TRDN: variants seen among roughly 807,000 people sequenced by gnomAD.
TRDN encodes triadin.
A neutral mutation model predicts 149.7 loss-of-function variants in TRDN; 161 were observed. That is an observed-to-expected ratio of 1.08 (90% CI 0.95 to 1.23). The LOEUF is 1.23. Ranked by LOEUF, TRDN falls within the 50% of genes most tolerant of loss-of-function variation. TRDN has a pLI of 0.00. For missense variants in TRDN, 896 were observed against 823.5 expected, an observed-to-expected ratio of 1.09 and a Z score of -1.08; for synonymous variants, 294 against 250.5, an observed-to-expected ratio of 1.17 and a Z score of -1.64.
At chr6:123,301,752 C>CATATATATATAT (rs776895792) in intron 24 of TRDN, among the ~76,000 whole-genome samples, 11 of 77,114 alleles carry the variant, frequency 1.4e-4, no homozygotes, top group African/African-American at 3.9e-4. Context: ...TATATATATA[C>CATATATATATAT]ATATATATAT....
intron 9 of TRDN, among the ~76,000 whole-genome samples, chr6:123,481,931 T>G (rs34944224): frequency 0.13 from 20,516 of 152,242 alleles, 1,937 homozygotes; most frequent in South Asian, 0.3. Context: ...TTTAGAGATC[T>G]AATTCCTAGA....
chr6:123,495,110 C>T (rs1488651505), intron 9 of TRDN, among the ~76,000 whole-genome samples: 1 of 152,056 alleles, frequency 6.6e-6, no homozygotes, highest in Non-Finnish European at 1.5e-5. Flanking sequence ...GTGATAGTGC[C>T]ATCATAGCTC....
In TRDN at chr6:123,593,580, C is replaced by T. The variant is rs146875473; in HGVS notation, c.23-22448G>A. 1.5e-3 allele frequency among the ~76,000 whole-genome samples: 223 copies of T among 152,314 alleles called. 1 individual carries two copies. The highest frequency in any genetic ancestry group is 2.4e-3 in the Non-Finnish European group (166 of 68,016). ...GTGAGGGAAGAATCTGTTTAAGCTT[C>T]TCTCTTTGGCTTGTAGATGGCTGGC... On this transcript the variant is annotated intron_variant, in intron 1 of 40. Transcript: ENST00000334268.
At chr6:123,264,618 TCTA>T (rs1202209839) in intron 33 of TRDN, among the ~76,000 whole-genome samples, 1 of 152,062 alleles carries the variant, frequency 6.6e-6, no homozygotes, top group Non-Finnish European at 1.5e-5. Flanking sequence ...TGAAAGAAGT[TCTA>T]CTGCGAGTAA....
chr6:123,356,113 C>A (rs1430157680), intron 20 of TRDN, among the ~76,000 whole-genome samples: 1 of 151,560 alleles, frequency 6.6e-6, no homozygotes, highest in Non-Finnish European at 1.5e-5. Flanking sequence ...TTTATGATTT[C>A]TTTTTCTCAT....
chr6:123,433,182 T>TATATATATATATATATAC (rs1562310492), intron 12 of TRDN, among the ~76,000 whole-genome samples: 1 of 143,334 alleles, frequency 7.0e-6, no homozygotes, highest in African/African-American at 2.6e-5. Context: ...TATATATATA[T>TATATATATATATATATAC]ACATCACACA....
chr6:123,536,724 AAT>A (rs1204257670), intron 4 of TRDN, among the ~76,000 whole-genome samples: 1 of 150,506 alleles, frequency 6.6e-6, no homozygotes, highest in African/African-American at 2.4e-5. Context: ...TAAATAAATA[AAT>A]AAATAAAAAT....
intron 1 of TRDN, among the ~76,000 whole-genome samples, chr6:123,593,037 T>C (rs1245422431): frequency 6.6e-6 from 1 of 152,186 alleles, no homozygotes; most frequent in East Asian, 1.9e-4. Flanking sequence ...GCATCAATTA[T>C]TTTACCCATG....
At chr6:123,430,142 T>C (rs946994270) in intron 12 of TRDN, among the ~76,000 whole-genome samples, 1 of 151,950 alleles carries the variant, frequency 6.6e-6, no homozygotes, top group African/African-American at 2.4e-5. Flanking sequence ...TGGTGGCACG[T>C]GCCCATGGTC....
At chr6:123,547,007 T>C (rs1781145669) in intron 4 of TRDN, among the ~76,000 whole-genome samples, 1 of 152,032 alleles carries the variant, frequency 6.6e-6, no homozygotes, top group African/African-American at 2.4e-5. Flanking sequence ...AATCTGACCA[T>C]GGTGAGAATA....
rs1777254669 is a variant in TRDN at position 123,273,006 on chromosome 6, C to T, written c.1630G>A (p.Asp544Asn). Residue 544 changes from aspartate to asparagine, a missense_variant, in exon 29 of 41, where the codon GAC becomes AAC. Coordinates refer to ENST00000334268, the MANE Select transcript of TRDN (RefSeq NM_006073.4). ...ACAGTCTTTTCTGGTTTCACTATGT[C>T]TTGTTCTGAAAATAATAAAAAGAAA... ...ISEKVQIHKQ[D>N]IVKPEKTVSH... is the part of the protein sequence containing the mutation. The T allele has an allele frequency of 7.3e-6, 11 of 1,507,638 alleles. No homozygotes were observed. The highest frequency in any genetic ancestry group is 9.7e-6 in the Non-Finnish European group (11 of 1,130,916). The allele number at this position is 1,507,638 out of a possible 1,614,324, so 93.4% of individuals were successfully genotyped here.
At chr6:123,304,597 A>C (rs1778543494) in intron 24 of TRDN, among the ~76,000 whole-genome samples, 1 of 152,256 alleles carries the variant, frequency 6.6e-6, no homozygotes, top group Non-Finnish European at 1.5e-5. Flanking sequence ...CATATTACTT[A>C]TGCAAGTTTT....
intron 9 of TRDN, among the ~76,000 whole-genome samples, chr6:123,480,373 A>G (rs1452177029): frequency 6.6e-6 from 1 of 152,032 alleles, no homozygotes; most frequent in Non-Finnish European, 1.5e-5. Context: ...ATGTTAACAT[A>G]CTGACTCACT....
At chr6:123,347,058 T>A (rs1483101631) in intron 21 of TRDN, among the ~76,000 whole-genome samples, 2 of 151,700 alleles carry the variant, frequency 1.3e-5, no homozygotes, top group Non-Finnish European at 2.9e-5. Context: ...GAACGTGGGG[T>A]AGAAACAGTG....
At chr6:123,558,597 C>T (rs1781806205) in intron 2 of TRDN, among the ~76,000 whole-genome samples, 1 of 152,082 alleles carries the variant, frequency 6.6e-6, no homozygotes, top group African/African-American at 2.4e-5. Flanking sequence ...GCTTTACAGC[C>T]CTATACCCTA....
chr6:123,588,086 T>C (rs2114609442), intron 1 of TRDN, among the ~76,000 whole-genome samples: 1 of 152,226 alleles, frequency 6.6e-6, no homozygotes, highest in Middle Eastern at 3.4e-3. Flanking sequence ...AAATGTCTCT[T>C]ATCAGACCCC....
chr6:123,465,988 G>A (rs796503081), intron 9 of TRDN, among the ~76,000 whole-genome samples: 10 of 152,248 alleles, frequency 6.6e-5, no homozygotes, highest in African/African-American at 1.4e-4. Context: ...ACCACATTTC[G>A]GGCCTAGGCC....
rs1163406620 is a variant in TRDN at position 123,438,971 on chromosome 6, T to C, written c.964A>G (p.Lys322Glu). The C allele has an allele frequency of 6.4e-7, 1 of 1,562,796 alleles. No individual in the cohort carries two copies. Reference sequence around the variant, plus strand: ...TTCTTTTTTGTTTCAGAAGTAACTTTCTTCTCAGCCTTCTTCTTTTCCCCT... The same window carrying C: ...TTCTTTTTTGTTTCAGAAGTAACTTCCTTCTCAGCCTTCTTCTTTTCCCCT... ...KEGEKKKAEK[K>E]VTSETKKKEK... Residue 322 changes from lysine to glutamate, a missense_variant, in exon 11 of 41, where the codon AAA becomes GAA. Coordinates refer to ENST00000334268, the MANE Select transcript of TRDN (RefSeq NM_006073.4).
intron 13 of TRDN, chr6:123,389,453 T>A (rs939372181): frequency 1.3e-5 from 2 of 152,164 alleles, no homozygotes; most frequent in African/African-American, 4.8e-5. Context: ...TGCTCTGTGC[T>A]ACAATTGCCA....
Sources: gnomAD v4.1 joint callset for allele counts (sites outside exome capture counted in the v4.1 genomes callset) on GRCh38, gnomAD v4.1.1 for gene constraint, MANE v1.5 for transcripts, NCBI Gene and HGNC (gene_info 2026-07-23, HGNC 2026-07-21) for gene names.